MAOA: variants seen among roughly 807,000 people sequenced by gnomAD.
MAOA encodes amine oxidase [flavin-containing] A.
In MAOA, 6 loss-of-function variants were observed where a neutral mutation model predicts 42.0. The ratio of observed to expected loss-of-function variants is 0.14; its 90% CI spans 0.08 to 0.28. MAOA has a LOEUF of 0.28. Among genes scored for constraint, MAOA ranks in the 10% least tolerant of loss-of-function variants. The probability of loss-of-function intolerance (pLI) is 1.00; values close to 1 mark genes in which losing one functional copy is unlikely to be tolerated. For missense variants in MAOA, 262 were observed against 422.3 expected (o/e 0.62, Z 3.33); for synonymous variants, 140 against 154.0 (o/e 0.91, Z 0.67).
rs940300048 is a variant in MAOA, at chrX:43,699,086, G to A, written c.306+5658G>A. On this transcript the variant is annotated intron_variant, in intron 3 of 14. Coordinates refer to ENST00000338702, the MANE Select transcript of MAOA (RefSeq NM_000240.4). ...GAGCCCAGGAGTTTGAAACTAGCCCGGGCAACATAGTGAGGCCCCCATTGC... is the reference window on the plus strand; with the variant it reads ...GAGCCCAGGAGTTTGAAACTAGCCCAGGCAACATAGTGAGGCCCCCATTGC... 8.2e-5 allele frequency among the ~76,000 whole-genome samples: 9 copies of A among 110,279 alleles called. No homozygotes were observed. In the South Asian group the frequency reaches 1.6e-3, roughly 19 times the overall value.
chrX:43,708,052 A>G (rs2033670895), intron 3 of MAOA, among the ~76,000 whole-genome samples: 1 of 111,868 alleles, frequency 8.9e-6, no homozygotes, highest in Non-Finnish European at 1.9e-5. Flanking sequence ...TATTGTGAAC[A>G]TTAGTAGATT....
At chrX:43,715,282 C>G (rs1394115571) in intron 5 of MAOA, among the ~76,000 whole-genome samples, 1 of 108,962 alleles carries the variant, frequency 9.2e-6, no homozygotes, top group African/African-American at 3.4e-5. Context: ...TGGTTTCTTC[C>G]AAGAATGACT....
rs180687932 is a variant in MAOA at position 43,658,594 on chromosome X, C to T, written c.73+2180C>T. Among the ~76,000 whole-genome samples, 183 of 111,609 alleles carry T rather than the reference C, an allele frequency of 1.6e-3. 2 individuals are homozygous for T. Among genetic ancestry groups the T allele is most frequent in the African/African-American group, 5.9e-3 (181 of 30,690 alleles). On this transcript the variant is annotated intron_variant, in intron 1 of 14. Coordinates refer to ENST00000338702, the MANE Select transcript of MAOA (RefSeq NM_000240.4). ...GTCACTCTTAATTATTAATTTATTT[C>T]CATTTGGGGGAAGTAGAGGGCATTT...
At chrX:43,721,880 C>T (rs2033792961) in intron 5 of MAOA, among the ~76,000 whole-genome samples, 1 of 110,404 alleles carries the variant, frequency 9.1e-6, no homozygotes, top group Admixed American at 9.7e-5. Flanking sequence ...TGATGTTCCC[C>T]TCCCTGTGTC....
chrX:43,728,307 G>A lies in MAOA; in HGVS notation c.638G>A (p.Gly213Asp), dbSNP rs1318567620. The change falls in exon 6 of 15, where the codon GGT (glycine) becomes GAT (aspartate). Residue 213 changes from glycine to aspartate, a missense_variant. By Grantham distance (94) the Gly-to-Asp change is moderately conservative (BLOSUM62 -1). Around this residue, in one of 3 missense-constraint regions of MAOA, gnomAD observed 141 missense variants for 195.6 expected, o/e 0.72. Coordinates refer to ENST00000338702, the MANE Select transcript of MAOA (RefSeq NM_000240.4). ...GTTRIFSVTN[G>D]GQERKFVGGS... Reference sequence around the variant, plus strand: ...ACTCGGATATTCTCTGTCACCAATGGTGGCCAGGTATGGTGTGTATGTGTC... The same window carrying A: ...ACTCGGATATTCTCTGTCACCAATGATGGCCAGGTATGGTGTGTATGTGTC... The A allele has an allele frequency of 8.3e-7, 1 of 1,211,633 alleles. No homozygotes were observed. Among genetic ancestry groups the A allele is most frequent in the South Asian group, 1.8e-5 (1 of 56,987 alleles).
rs368820082 is a variant in MAOA at position 43,693,407 on chromosome X, G to A, written c.285G>A (p.Glu95=). The A allele has an allele frequency of 9.9e-6, 12 of 1,209,247 alleles. No individual in the cohort carries two copies. Among genetic ancestry groups the A allele is most frequent in the Non-Finnish European group, 1.3e-5 (12 of 894,543 alleles). The change falls in exon 3 of 15, where the codon GAG becomes GAA. Residue 95 remains glutamate, a synonymous_variant. Coordinates refer to ENST00000338702, the MANE Select transcript of MAOA (RefSeq NM_000240.4). The part of the protein sequence containing the change: ...GIETYKVNVS[E]RLVQYVKGKT... ...AGACTTACAAAGTGAATGTCAGTGA[G>A]CGTCTCGTTCAATATGTCAAGGTAA...
chrX:43,741,231 A>G (rs1420958669), intron 11 of MAOA, among the ~76,000 whole-genome samples: 1 of 111,417 alleles, frequency 9.0e-6, no homozygotes, highest in Non-Finnish European at 1.9e-5. Context: ...TCATTTAGGA[A>G]TATCAGTGCT....
intron 1 of MAOA, among the ~76,000 whole-genome samples, chrX:43,662,076 G>T (rs2033238151): frequency 9.0e-6 from 1 of 111,503 alleles, no homozygotes; most frequent in African/African-American, 3.3e-5. Flanking sequence ...TATTCTGCTA[G>T]GACCATTTTA....
At chrX:43,690,778 G>A (rs6610842) in intron 2 of MAOA, among the ~76,000 whole-genome samples, 2 of 110,726 alleles carry the variant, frequency 1.8e-5, no homozygotes, top group Non-Finnish European at 1.9e-5. Flanking sequence ...ACAATACTTA[G>A]AGCTGCAAAA....
At chrX:43,713,110 T>C (rs893094710) in intron 5 of MAOA, among the ~76,000 whole-genome samples, 2 of 112,488 alleles carry the variant, frequency 1.8e-5, no homozygotes, top group African/African-American at 6.5e-5. Context: ...AAAGATATTT[T>C]TTAAAAATGT....
chrX:43,659,579 C>G (rs2033216161), intron 1 of MAOA, among the ~76,000 whole-genome samples: 1 of 111,245 alleles, frequency 9.0e-6, no homozygotes, highest in Middle Eastern at 4.6e-3. Context: ...CATTCTAGGA[C>G]TTCAGCTGTC....
intron 6 of MAOA, among the ~76,000 whole-genome samples, chrX:43,730,951 T>G (rs968546399): frequency 8.9e-6 from 1 of 112,118 alleles, no homozygotes; most frequent in African/African-American, 3.2e-5. Context: ...ACAGACTTGC[T>G]GATATTCCCC....
At chrX:43,708,785 C>A (rs1027861149) in intron 3 of MAOA, among the ~76,000 whole-genome samples, 1 of 108,816 alleles carries the variant, frequency 9.2e-6, no homozygotes, top group Non-Finnish European at 1.9e-5. Flanking sequence ...GCCTCAGCCT[C>A]TCGAGTAGCT....
chrX:43,681,487 A>G (rs1011618697), intron 1 of MAOA, among the ~76,000 whole-genome samples: 13 of 111,274 alleles, frequency 1.2e-4, no homozygotes, highest in Non-Finnish European at 1.1e-4. Context: ...TGGGATAACA[A>G]TGCTAATACT....
intron 2 of MAOA, among the ~76,000 whole-genome samples, chrX:43,688,829 T>C (rs990737267): frequency 8.9e-6 from 1 of 111,997 alleles, no homozygotes; most frequent in Non-Finnish European, 1.9e-5. Context: ...AAATGTTGCT[T>C]ACATTTTGAA....
chrX:43,673,819 T>C (rs1314416115), intron 1 of MAOA, among the ~76,000 whole-genome samples: 1 of 112,245 alleles, frequency 8.9e-6, no homozygotes, highest in African/African-American at 3.2e-5. Flanking sequence ...GACAGTTTGT[T>C]ATAATTTCTA....
At chrX:43,743,087 G>A (rs534826916) in intron 12 of MAOA, among the ~76,000 whole-genome samples, 36 of 110,632 alleles carry the variant, frequency 3.3e-4, no homozygotes, top group African/African-American at 7.2e-4. Flanking sequence ...CCATCAGGGT[G>A]GGGGGCAGGA....
At chrX:43,678,548 G>A (rs750711371) in intron 1 of MAOA, among the ~76,000 whole-genome samples, 81 of 111,573 alleles carry the variant, frequency 7.3e-4, no homozygotes, top group African/African-American at 2.1e-3. Flanking sequence ...TAAATATTTC[G>A]AAAGATTAGG....
intron 12 of MAOA, among the ~76,000 whole-genome samples, chrX:43,742,595 C>T (rs989042455): frequency 2.7e-5 from 3 of 112,225 alleles, no homozygotes; most frequent in East Asian, 5.6e-4. Context: ...GCATAGTGTC[C>T]GGTACCTTGC....
Sources: allele counts gnomAD v4.1 joint callset (sites outside exome capture counted in the v4.1 genomes callset), GRCh38; gene constraint gnomAD v4.1.1; regional missense constraint gnomAD v4.1.1; transcripts MANE v1.5; gene names NCBI Gene and HGNC (gene_info 2026-07-23, HGNC 2026-07-21).